The following TRRAP variants were observed in gnomAD, a reference collection of about 807,000 sequenced individuals.
The protein encoded by TRRAP is transformation/transcription domain associated protein, also known as transformation/transcription domain-associated protein.
Under a neutral mutation model 438.8 loss-of-function variants are expected in TRRAP, and 41 were observed. The observed-to-expected ratio is 0.09, with a 90% CI of 0.07 to 0.12. TRRAP has a LOEUF of 0.12. TRRAP is among the 10% of genes least tolerant of loss of function. The probability of loss-of-function intolerance (pLI) is 1.00; values close to 1 mark genes in which losing one functional copy is unlikely to be tolerated. For synonymous variants in TRRAP, 1,994 were observed against 1,962.9 expected (o/e 1.02, Z -0.42); for missense variants, 3,122 against 5,055.1 (o/e 0.62, Z 11.60).
Position 98,925,098 on chromosome 7 carries a change from TG to T in TRRAP, c.2824-13del. On this transcript the variant is annotated splice_polypyrimidine_tract_variant and intron_variant, in intron 21 of 72. Coordinates refer to ENST00000456197, the MANE Select transcript of TRRAP (RefSeq NM_001375524.1). ...TTCAGCACAAACTGTAGTTTCTTTG[TG>T]TCTTGGTTGTAGGCCATTGAAACTG... 1 of 1,597,468 alleles carries T rather than the reference TG, an allele frequency of 6.3e-7. No homozygotes were observed. Among genetic ancestry groups the T allele is most frequent in the Non-Finnish European group, 8.5e-7 (1 of 1,173,690 alleles).
chr7:98,879,457 C>T (rs188504794), intron 1 of TRRAP, among the ~76,000 whole-genome samples: 1 of 150,892 alleles, frequency 6.6e-6, no homozygotes, highest in East Asian at 2.0e-4. Flanking sequence ...GTCTTGGGTA[C>T]CCTGGGATGG....
chr7:98,935,607 C>A lies in TRRAP; in HGVS notation c.4043C>A (p.Ser1348Ter). Residue 1348 changes from serine (S) to a stop codon, truncating the protein, a stop_gained, in exon 28 of 73, where the codon TCA (serine) becomes TAA (stop). Coordinates refer to ENST00000456197, the MANE Select transcript of TRRAP (RefSeq NM_001375524.1). LOFTEE classifies it high-confidence loss of function. ...ELLNLCEAED[S>*]ALTKLPCYKS... The stretch of plus-strand genomic sequence containing the variant: ...TTGAATTTGTGTGAGGCTGAAGATT[C>A]AGCTTTAACAAAGCTGCCCTGTTAT... 1 of 1,603,602 alleles carries A rather than the reference C, an allele frequency of 6.2e-7. No homozygotes were observed. The highest frequency in any genetic ancestry group is 8.5e-7 in the Non-Finnish European group (1 of 1,171,190).
chr7:98,993,777 A>T (rs775822388), intron 66 of TRRAP, 40 bp downstream of exon 66: 58 of 1,600,388 alleles, frequency 3.6e-5, no homozygotes, highest in Non-Finnish European at 4.7e-5. Flanking sequence ...CTCCTTGTAG[A>T]GGGGACGTGG....
intron 14 of TRRAP, 25 bp from the exon 15 acceptor site, chr7:98,910,031 C>T (rs782698619): frequency 1.3e-6 from 2 of 1,532,104 alleles, no homozygotes; most frequent in Non-Finnish European, 1.8e-6. Context: ...TTCTGTCTTC[C>T]CTCTTGAATT....
chr7:98,981,617 C>T, intron 58 of TRRAP, 152 bp from the exon 59 acceptor site: 2 of 759,592 alleles, frequency 2.6e-6, no homozygotes, highest in Non-Finnish European at 4.0e-6. Context: ...AAACGCATGA[C>T]TTCTCTAAAG....
chr7:98,945,685 G>A (rs978562124), intron 31 of TRRAP, 62 bp from the exon 32 acceptor site: 36 of 1,579,708 alleles, frequency 2.3e-5, no homozygotes, highest in African/African-American at 2.7e-5. Flanking sequence ...GTTTGAGTAT[G>A]TGGGAAGTTT....
At chr7:98,880,000 T>C (rs1554402764) in intron 1 of TRRAP, among the ~76,000 whole-genome samples, 6 of 152,180 alleles carry the variant, frequency 3.9e-5, no homozygotes, top group Non-Finnish European at 8.8e-5. Context: ...CGGGATACTT[T>C]GTGACACCTG....
In TRRAP at chr7:98,961,282, T is replaced by C; in HGVS notation, c.6511T>C (p.Tyr2171His). The change falls in exon 46 of 73, where the codon TAT becomes CAT. Residue 2171 changes from tyrosine to histidine, a missense_variant. Around this residue, in one of 24 missense-constraint regions of TRRAP, gnomAD observed 992 missense variants for 1,281.2 expected, o/e 0.77. Transcript: ENST00000456197. ...GCAGGAGCAGCCAAACCAAGTGAAC[T>C]ATGGGAATATCTGCACGGGCCTAGA... ...MTVEQPNQVNYGNICTGLEVL... is the reference protein window; with the variant it reads ...MTVEQPNQVNHGNICTGLEVL... The C allele has an allele frequency of 1.9e-6, 3 of 1,614,192 alleles. No homozygotes were observed. Among genetic ancestry groups the C allele is most frequent in the Non-Finnish European group, 2.5e-6 (3 of 1,180,026 alleles).
chr7:98,953,225 A>T lies in TRRAP; in HGVS notation c.5522A>T (p.Gln1841Leu), dbSNP rs1049154555. ...GACTCGCTGCGGATCTACCTGCTGC[A>T]GTACGCCACGCTGCTGGTGGAGCAC... ...MLDSLRIYLL[Q>L]YATLLVEHAP... Residue 1841 changes from glutamine (Q) to leucine (L), a missense_variant, in exon 40 of 73, where the codon CAG becomes CTG. By Grantham distance (113) the Gln-to-Leu change is moderately radical (BLOSUM62 -2). Around this residue, in one of 24 missense-constraint regions of TRRAP, gnomAD observed 272 missense variants for 348.5 expected, o/e 0.78. Coordinates refer to ENST00000456197, the MANE Select transcript of TRRAP (RefSeq NM_001375524.1). 2 of 1,613,134 alleles carry T rather than the reference A, an allele frequency of 1.2e-6. No homozygotes were observed. The highest frequency in any genetic ancestry group is 2.7e-5 in the African/African-American group (2 of 74,672).
chr7:98,997,650 T>G (rs1793732967), intron 67 of TRRAP, among the ~76,000 whole-genome samples: 1 of 151,636 alleles, frequency 6.6e-6, no homozygotes, highest in Non-Finnish European at 1.5e-5. Context: ...TGGAAATATA[T>G]TAGGCTTTCT....
At chr7:98,973,267 T>C (rs1792498881) in intron 53 of TRRAP, among the ~76,000 whole-genome samples, 1 of 152,102 alleles carries the variant, frequency 6.6e-6, no homozygotes, top group African/African-American at 2.4e-5. Flanking sequence ...GGCATCTTAA[T>C]AGACCCATGT....
chr7:98,893,276 C>T (rs1554405230), intron 5 of TRRAP, among the ~76,000 whole-genome samples: 1 of 152,154 alleles, frequency 6.6e-6, no homozygotes, highest in African/African-American at 2.4e-5. Context: ...AGTTAGATTT[C>T]AGTCGTGTTT....
At chr7:98,920,677 C>G (rs576702702) in intron 20 of TRRAP, among the ~76,000 whole-genome samples, 5 of 152,186 alleles carry the variant, frequency 3.3e-5, no homozygotes, top group African/African-American at 1.2e-4. Flanking sequence ...TGTGTTTTTC[C>G]TTTGCCACCC....
At chr7:98,993,398 A>C (rs1562975658) in intron 65 of TRRAP, 140 bp from the exon 66 acceptor site, 1 of 885,202 alleles carries the variant, frequency 1.1e-6, no homozygotes, top group Non-Finnish European at 1.7e-6. Context: ...TCTCCCACGC[A>C]GTCCTTGGGG....
Position 98,917,431 on chromosome 7 carries a change from A to T in TRRAP, c.2374A>T (p.Met792Leu), listed in dbSNP as rs1368868819. The T allele has an allele frequency of 1.9e-6, 3 of 1,613,950 alleles. No individual in the cohort carries two copies. The Admixed American group carries it at 5.0e-5, about 27-fold the overall frequency. ...LLPNLLQGLN[M>L]LQSGLHKQHM... ...TGCACCCCCTTCCCTAGGGCTGAAC[A>T]TGCTTCAGAGTGGCCTGCACAAGCA... is the stretch of plus-strand genomic sequence containing the variant. Residue 792 changes from methionine to leucine, a missense_variant, in exon 20 of 73, where the codon ATG (methionine) becomes TTG (leucine). Transcript: ENST00000456197.
At chr7:98,915,965 T>C in intron 19 of TRRAP, 77 bp downstream of exon 19, 1 of 1,559,974 alleles carries the variant, frequency 6.4e-7, no homozygotes, top group East Asian at 2.3e-5. Context: ...GATTGCTGGG[T>C]TTCATCCTCT....
intron 6 of TRRAP, among the ~76,000 whole-genome samples, chr7:98,894,959 A>G (rs1796137478): frequency 1.3e-5 from 2 of 151,982 alleles, no homozygotes; most frequent in South Asian, 4.2e-4. Context: ...TTCTCACGTT[A>G]ATGTTTTTGT....
chr7:98,896,453 A>G (rs570235018), intron 7 of TRRAP, among the ~76,000 whole-genome samples: 34 of 152,108 alleles, frequency 2.2e-4, no homozygotes, highest in African/African-American at 8.0e-4. Flanking sequence ...CTGTCTGCCC[A>G]GGCTGGAGTA....
chr7:98,978,174 A>G (rs1291869607), intron 56 of TRRAP, 37 bp from the exon 57 acceptor site: 6 of 1,523,758 alleles, frequency 3.9e-6, no homozygotes, highest in East Asian at 2.2e-5. Flanking sequence ...GTGTGTTTCT[A>G]GTTAAACAGT....
Sources: gnomAD v4.1 joint callset for allele counts (sites outside exome capture counted in the v4.1 genomes callset) on GRCh38, gnomAD v4.1.1 for gene constraint, gnomAD v4.1.1 regional missense constraint, MANE v1.5 for transcripts, NCBI Gene and HGNC (gene_info 2026-07-23, HGNC 2026-07-21) for gene names.